NLGN1: variants seen among roughly 807,000 people sequenced by gnomAD.
NLGN1 encodes neuroligin-1.
In NLGN1, 12 loss-of-function variants were observed where a neutral mutation model predicts 65.5. The observed-to-expected ratio is 0.18, with a 90% CI of 0.12 to 0.30. The LOEUF (loss-of-function observed/expected upper bound fraction) is 0.30, where lower values mean the gene tolerates loss of function less well. Ranked by LOEUF, NLGN1 falls within the 10% of genes least tolerant of loss-of-function variation. The probability of loss-of-function intolerance (pLI) is 1.00; values close to 1 mark genes in which losing one functional copy is unlikely to be tolerated. For missense variants in NLGN1, 750 were observed against 1,007.1 expected, an observed-to-expected ratio of 0.74 and a Z score of 3.46; for synonymous variants, 350 against 359.5, an observed-to-expected ratio of 0.97 and a Z score of 0.30.
chr3:173,892,438 C>T (rs1735527040), intron 4 of NLGN1, among the ~76,000 whole-genome samples: 1 of 151,880 alleles, frequency 6.6e-6, no homozygotes, highest in African/African-American at 2.4e-5. Flanking sequence ...TTCCTTTTAA[C>T]TTTCACAATA....
At chr3:173,873,786 G>C (rs1731623921) in intron 4 of NLGN1, among the ~76,000 whole-genome samples, 1 of 152,124 alleles carries the variant, frequency 6.6e-6, no homozygotes, top group African/African-American at 2.4e-5. Context: ...CTTGGACAGT[G>C]ATGGTTATGG....
chr3:174,099,602 T>C (rs988231060), intron 4 of NLGN1, among the ~76,000 whole-genome samples: 3 of 152,186 alleles, frequency 2.0e-5, no homozygotes, highest in East Asian at 1.9e-4. Flanking sequence ...TAAACACTTA[T>C]AGAAAGTGAT....
chr3:174,129,150 C>T (rs1719587263), intron 4 of NLGN1, among the ~76,000 whole-genome samples: 2 of 152,006 alleles, frequency 1.3e-5, no homozygotes. Context: ...TTACCAAACC[C>T]TCATTTGGTT....
intron 3 of NLGN1, among the ~76,000 whole-genome samples, chr3:173,677,741 C>G (rs1763368776): frequency 6.6e-6 from 1 of 152,042 alleles, no homozygotes; most frequent in South Asian, 2.1e-4. Flanking sequence ...TGTCTATAAC[C>G]AACTAGTCAC....
intron 3 of NLGN1, among the ~76,000 whole-genome samples, chr3:173,622,224 C>G (rs528723493): frequency 2.6e-5 from 4 of 152,090 alleles, no homozygotes; most frequent in African/African-American, 9.6e-5. Context: ...GTATACAAGG[C>G]CAATTACAGA....
At chr3:173,823,269 C>G (rs1045347153) in intron 4 of NLGN1, among the ~76,000 whole-genome samples, 1 of 151,938 alleles carries the variant, frequency 6.6e-6, no homozygotes, top group Non-Finnish European at 1.5e-5. Context: ...TGCTGTCTAA[C>G]AGAAATATAC....
intron 4 of NLGN1, among the ~76,000 whole-genome samples, chr3:173,835,984 C>A (rs1399686184): frequency 6.6e-6 from 1 of 152,060 alleles, no homozygotes; most frequent in Non-Finnish European, 1.5e-5. Flanking sequence ...TTAATAAATC[C>A]ATTTTGTAGG....
intron 4 of NLGN1, among the ~76,000 whole-genome samples, chr3:173,960,371 A>G (rs1025366753): frequency 4.6e-5 from 7 of 151,996 alleles, no homozygotes; most frequent in Non-Finnish European, 7.4e-5. Flanking sequence ...TGTTTGATAT[A>G]TATTATTCCC....
At chr3:173,962,879 C>CTA (rs1180149790) in intron 4 of NLGN1, among the ~76,000 whole-genome samples, 1 of 152,054 alleles carries the variant, frequency 6.6e-6, no homozygotes, top group African/African-American at 2.4e-5. Flanking sequence ...TTGAGTTAGT[C>CTA]TATAATCTTT....
intron 4 of NLGN1, among the ~76,000 whole-genome samples, chr3:173,921,223 A>G (rs989081912): frequency 6.8e-6 from 1 of 147,646 alleles, no homozygotes; most frequent in Non-Finnish European, 1.5e-5. Context: ...TATATATACT[A>G]TGCATGTATA....
chr3:173,712,508 G>A (rs1769147896), intron 3 of NLGN1, among the ~76,000 whole-genome samples: 1 of 152,128 alleles, frequency 6.6e-6, no homozygotes, highest in Non-Finnish European at 1.5e-5. Context: ...CTCTGCCACT[G>A]ACTACCTGTG....
intron 3 of NLGN1, among the ~76,000 whole-genome samples, chr3:173,755,801 C>G (rs935114507): frequency 1.4e-4 from 21 of 152,110 alleles, no homozygotes; most frequent in African/African-American, 5.1e-4. Context: ...AAGGCATAGT[C>G]AACTGTGCCC....
At chr3:173,915,891 A>C (rs1018626402) in intron 4 of NLGN1, among the ~76,000 whole-genome samples, 1 of 151,570 alleles carries the variant, frequency 6.6e-6, no homozygotes, top group African/African-American at 2.4e-5. Flanking sequence ...AGTCTTTCTT[A>C]TTATTTTCTA....
intron 3 of NLGN1, among the ~76,000 whole-genome samples, chr3:173,799,320 A>G (rs912926879): frequency 2.6e-5 from 4 of 152,050 alleles, no homozygotes; most frequent in East Asian, 3.8e-4. Context: ...TGTGCTGAGT[A>G]TGTCAATTAT....
At chr3:173,554,001 A>C (rs1281354637) in intron 2 of NLGN1, among the ~76,000 whole-genome samples, 1 of 152,174 alleles carries the variant, frequency 6.6e-6, no homozygotes, top group African/African-American at 2.4e-5. Flanking sequence ...GCTTATGAGA[A>C]CTGCAACTTG....
At chr3:173,683,097 A>T (rs770168180) in intron 3 of NLGN1, among the ~76,000 whole-genome samples, 9 of 152,180 alleles carry the variant, frequency 5.9e-5, no homozygotes, top group Non-Finnish European at 1.3e-4. Context: ...AATAAATTTA[A>T]ATATTTCTTT....
chr3:173,456,102 C>T (rs1384824131), intron 2 of NLGN1, among the ~76,000 whole-genome samples: 1 of 152,124 alleles, frequency 6.6e-6, no homozygotes, highest in Admixed American at 6.6e-5. Flanking sequence ...CTAATCTCTC[C>T]TGGAAACACC....
At chr3:173,857,941 A>G (rs1255805650) in intron 4 of NLGN1, among the ~76,000 whole-genome samples, 1 of 137,116 alleles carries the variant, frequency 7.3e-6, no homozygotes, top group African/African-American at 2.8e-5. Context: ...TTATTTTACT[A>G]TCCAAGAGCT....
chr3:173,527,287 T>C (rs1019411665), intron 2 of NLGN1, among the ~76,000 whole-genome samples: 1 of 152,230 alleles, frequency 6.6e-6, no homozygotes, highest in Admixed American at 6.5e-5. Context: ...ATCATAGTTT[T>C]GATTTGCATT....
Sources: allele counts gnomAD v4.1 joint callset (sites outside exome capture counted in the v4.1 genomes callset), GRCh38; gene constraint gnomAD v4.1.1; transcripts MANE v1.5; gene names NCBI Gene and HGNC (gene_info 2026-07-23, HGNC 2026-07-21).